The following LRRK1 variants were observed in gnomAD, a reference collection of about 807,000 sequenced individuals.
LRRK1 encodes the protein leucine-rich repeat serine/threonine-protein kinase 1.
In LRRK1, 113 loss-of-function variants were observed where a neutral mutation model predicts 209.1. That is an observed-to-expected ratio of 0.54 (90% CI 0.46 to 0.63). The LOEUF is 0.63. Ranked by LOEUF, LRRK1 falls within the 30% of genes least tolerant of loss-of-function variation. The pLI, the probability that LRRK1 is intolerant of heterozygous loss-of-function variation, is 0.00. For missense variants in LRRK1, 2,284 were observed against 2,632.2 expected, an observed-to-expected ratio of 0.87 and a Z score of 2.89; for synonymous variants, 1,144 against 1,099.7, an observed-to-expected ratio of 1.04 and a Z score of -0.80.
intron 7 of LRRK1, among the ~76,000 whole-genome samples, 194 bp downstream of exon 7, chr15:101,009,257 C>G (rs914265472): frequency 3.9e-5 from 6 of 152,264 alleles, no homozygotes; most frequent in Admixed American, 2.6e-4. Context: ...GATCATTTGT[C>G]TGGCCCAAGT....
At chr15:100,999,253 G>GA (rs542363100) in intron 6 of LRRK1, among the ~76,000 whole-genome samples, 263 of 152,226 alleles carry the variant, frequency 1.7e-3, no homozygotes, top group Admixed American at 2.9e-3. Flanking sequence ...AAATATTACA[G>GA]AAAAAAGTAC....
intron 20 of LRRK1, among the ~76,000 whole-genome samples, chr15:101,038,971 GTC>G (rs2034616545): frequency 6.6e-6 from 1 of 152,138 alleles, no homozygotes; most frequent in Non-Finnish European, 1.5e-5. Context: ...CATCTACAAA[GTC>G]TCTATTTCCA....
chr15:101,027,336 G>A lies in LRRK1; in HGVS notation c.2481G>A (p.Lys827=). The change falls in exon 18 of 34, where the codon AAG becomes AAA. Residue 827 remains lysine, a synonymous_variant. Coordinates refer to ENST00000388948, the MANE Select transcript of LRRK1 (RefSeq NM_024652.6). The surrounding 1 kb of genome is among the most constrained non-coding windows in gnomAD (Gnocchi z 5.1). Reference sequence around the variant, plus strand: ...TTTTCCACGTCACGTGCAGCATGAAGGACGTGGGCAGCACCATCGGCTGCC... The same window carrying A: ...TTTTCCACGTCACGTGCAGCATGAAAGACGTGGGCAGCACCATCGGCTGCC... ...QLIFHVTCSM[K]DVGSTIGCQR... is the part of the protein sequence containing the mutation. The A allele has an allele frequency of 6.2e-7, 1 of 1,614,088 alleles. No homozygotes were observed. Among genetic ancestry groups the A allele is most frequent in the South Asian group, 1.1e-5 (1 of 91,080 alleles).
At chr15:100,921,191 G>A (rs1332763702) in intron 1 of LRRK1, among the ~76,000 whole-genome samples, 1 of 152,282 alleles carries the variant, frequency 6.6e-6, no homozygotes, top group East Asian at 1.9e-4. Flanking sequence ...TCCCATAACT[G>A]TACAGGGAGA....
chr15:101,003,306 T>G (rs77221526), intron 6 of LRRK1, among the ~76,000 whole-genome samples: 2,146 of 152,266 alleles, frequency 0.014, 51 homozygotes, highest in African/African-American at 0.049. Context: ...CAGATGTCAG[T>G]CCTGCAGAAG....
At chr15:100,984,764 G>A (rs906703796) in intron 4 of LRRK1, among the ~76,000 whole-genome samples, 7 of 151,940 alleles carry the variant, frequency 4.6e-5, no homozygotes, top group African/African-American at 1.7e-4. Flanking sequence ...AAGATGTCCT[G>A]GTCTCCTGTA....
In LRRK1 at chr15:101,065,482, C is replaced by T. The variant is rs368322542; in HGVS notation, c.5045C>T (p.Ala1682Val). Reference protein sequence around the residue: ...HTANRSKFSIADEDARQNPYP... With the variant: ...HTANRSKFSIVDEDARQNPYP... ...GCCAACAGGTCCAAGTTCAGCATCG[C>T]GGATGAAGACGCACGGCAGAACCCC... Residue 1682 changes from alanine (A) to valine (V), a missense_variant, in exon 32 of 34, where the codon GCG (alanine) becomes GTG (valine). Physicochemically the swap from Ala to Val is moderately conservative, Grantham distance 64. Coordinates refer to ENST00000388948, the MANE Select transcript of LRRK1 (RefSeq NM_024652.6). 75 of 1,614,236 alleles carry T rather than the reference C, an allele frequency of 4.6e-5. 1 individual carries two copies. The Middle Eastern group carries it at 8.2e-4, about 18-fold the overall frequency.
rs2033833927 is a variant in LRRK1, at chr15:101,022,346, C to T, written c.1853-37C>T. On this transcript the variant is annotated intron_variant, in intron 14 of 33. Transcript: ENST00000388948. The surrounding 1 kb of genome is among the most constrained non-coding windows in gnomAD (Gnocchi z 4.0). The stretch of plus-strand genomic sequence containing the variant: ...TGTCCTAAGAGATGTGAGCATGTGC[C>T]CACGCAGCTACCCTTCCCCTTAATG... The T allele has an allele frequency of 6.3e-7, 1 of 1,584,090 alleles. No homozygotes were observed. The highest frequency in any genetic ancestry group is 8.7e-7 in the Non-Finnish European group (1 of 1,153,486).
At chr15:101,001,741 C>T (rs1232056842) in intron 6 of LRRK1, among the ~76,000 whole-genome samples, 4 of 152,146 alleles carry the variant, frequency 2.6e-5, no homozygotes, top group African/African-American at 9.7e-5. Flanking sequence ...CTGTGGTGTG[C>T]CCTTTTGTCA....
chr15:101,062,641 A>G lies in LRRK1; in HGVS notation c.4865A>G (p.Asp1622Gly). 1.2e-6 allele frequency: 2 copies of G among 1,614,218 alleles called. No individual in the cohort carries two copies. Among genetic ancestry groups the G allele is most frequent in the Non-Finnish European group, 1.7e-6 (2 of 1,180,024 alleles). Residue 1622 changes from aspartate to glycine, a missense_variant, in exon 31 of 34, where the codon GAT becomes GGT. Transcript: ENST00000388948. Reference protein sequence around the residue: ...CPLNTPQQALDTPAVVTCFLA... With the variant: ...CPLNTPQQALGTPAVVTCFLA... ...TTAAACACACCCCAACAGGCCTTGG[A>G]TACTCCAGCTGTCGTCACCTGCTTC...
At chr15:101,002,926 T>C (rs2032770587) in intron 6 of LRRK1, among the ~76,000 whole-genome samples, 1 of 152,158 alleles carries the variant, frequency 6.6e-6, no homozygotes, top group South Asian at 2.1e-4. Flanking sequence ...GAGACAGGGT[T>C]TCACCATGTT....
At chr15:101,058,617 C>CG (rs1555479973) in intron 29 of LRRK1, among the ~76,000 whole-genome samples, 942 of 75,332 alleles carry the variant, frequency 0.013, 232 homozygotes, top group African/African-American at 0.067. Flanking sequence ...GAAGGGGCAA[C>CG]GGGGGGGGGC....
rs767062823 is a variant in LRRK1 at position 101,051,958 on chromosome 15, C to T, written c.3687C>T (p.Ala1229=). ...AACTGTTCATGACCGACTTCCCGGCCAGGTATGCCCCGAAGGCCCCTCCCA... is the reference window on the plus strand; with the variant it reads ...AACTGTTCATGACCGACTTCCCGGCTAGGTATGCCCCGAAGGCCCCTCCCA... ...VPELFMTDFP[A]RLFLENSKLE... The change falls in exon 24 of 34, where the codon GCC becomes GCT. Residue 1229 remains alanine (A), a splice_region_variant and synonymous_variant. Transcript: ENST00000388948. The T allele has an allele frequency of 4.3e-6, 7 of 1,612,568 alleles. No homozygotes were observed. In the South Asian group the frequency reaches 6.6e-5, roughly 15 times the overall value.
intron 20 of LRRK1, among the ~76,000 whole-genome samples, chr15:101,038,557 C>T (rs2034594383): frequency 6.6e-6 from 1 of 152,084 alleles, no homozygotes; most frequent in South Asian, 2.1e-4. Context: ...GTGGGAATGT[C>T]GACCACTGGG....
At chr15:100,952,063 G>T (rs1055351653) in intron 2 of LRRK1, among the ~76,000 whole-genome samples, 1 of 151,868 alleles carries the variant, frequency 6.6e-6, no homozygotes, top group African/African-American at 2.4e-5. Flanking sequence ...CTGAGTGAAA[G>T]AACTAAGTCA....
Position 100,939,092 on chromosome 15 carries a change from T to G in LRRK1, c.97+14363T>G, listed in dbSNP as rs193026363. Among the ~76,000 whole-genome samples the G allele has an allele frequency of 3.0e-3, 453 of 152,268 alleles. 4 individuals carry two copies. The highest frequency in any genetic ancestry group is 8.4e-3 in the African/African-American group (349 of 41,550). Reference sequence around the variant, plus strand: ...TGGGCAACAAGAGTGAAACTCCATCTCAAAATAAATAAAAAAGTCAAAATA... The same window carrying G: ...TGGGCAACAAGAGTGAAACTCCATCGCAAAATAAATAAAAAAGTCAAAATA... On this transcript the variant is annotated intron_variant, in intron 2 of 33. Coordinates refer to ENST00000388948, the MANE Select transcript of LRRK1 (RefSeq NM_024652.6).
At position 101,053,212 on chromosome 15, in the gene LRRK1, G is replaced by A. The variant is rs753845428; in HGVS notation, c.3857-11G>A. 2.5e-6 allele frequency: 4 copies of A among 1,604,144 alleles called. No homozygotes were observed. In the East Asian group the frequency reaches 8.9e-5, roughly 36 times the overall value. On this transcript the variant is annotated splice_polypyrimidine_tract_variant and intron_variant, in intron 25 of 33. Coordinates refer to ENST00000388948, the MANE Select transcript of LRRK1 (RefSeq NM_024652.6). ...ATGTCCTACTGGCTGACACTGCGCTGTCCCTGGCAGACACCATGCTGAGGC... is the reference window on the plus strand; with the variant it reads ...ATGTCCTACTGGCTGACACTGCGCTATCCCTGGCAGACACCATGCTGAGGC...
rs1269420008 is a variant in LRRK1, at chr15:101,070,365, G to T, written c.*1517G>T. 6.9e-6 allele frequency: 1 copy of T among 144,494 alleles called. No individual in the cohort carries two copies. The highest frequency in any genetic ancestry group is 1.5e-5 in the Non-Finnish European group (1 of 67,032). The allele number at this position is 144,494 out of a possible 1,614,324, so 9.0% of individuals were successfully genotyped here. On this transcript the variant is annotated 3_prime_UTR_variant, in exon 34 of 34. Transcript: ENST00000388948. The stretch of plus-strand genomic sequence containing the variant: ...CCTGGGCACCAAGTCCCAGGGGGCT[G>T]AGGGTCTGTGCTTCCTGTCTACCTC...
chr15:100,988,101 A>C (rs2031965765), intron 4 of LRRK1, among the ~76,000 whole-genome samples: 2 of 152,224 alleles, frequency 1.3e-5, no homozygotes, highest in Non-Finnish European at 2.9e-5. Context: ...ACTCAACAGA[A>C]GCAACTTTCA....
Sources: allele counts gnomAD v4.1 joint callset (sites outside exome capture counted in the v4.1 genomes callset), GRCh38; gene constraint gnomAD v4.1.1; non-coding constraint Gnocchi (gnomAD v3.1); transcripts MANE v1.5; gene names NCBI Gene and HGNC (gene_info 2026-07-23, HGNC 2026-07-21).